The following PLXNA4 variants were observed in gnomAD, a reference collection of about 807,000 sequenced individuals.
PLXNA4 encodes plexin A4.
In PLXNA4, 44 loss-of-function variants were observed where a neutral mutation model predicts 191.8. That is an observed-to-expected ratio of 0.23 (90% CI 0.18 to 0.29). The LOEUF (loss-of-function observed/expected upper bound fraction) is 0.29, where lower values mean the gene tolerates loss of function less well. PLXNA4 is among the 10% of genes least tolerant of loss of function. The pLI, the probability that PLXNA4 is intolerant of heterozygous loss-of-function variation, is 1.00. For synonymous variants in PLXNA4, 1,082 were observed against 1,009.5 expected (o/e 1.07, Z -1.36); for missense variants, 1,800 against 2,488.8 (o/e 0.72, Z 5.89).
At chr7:132,174,187 G>T (rs1323941282) in intron 21 of PLXNA4, among the ~76,000 whole-genome samples, 1 of 152,060 alleles carries the variant, frequency 6.6e-6, no homozygotes, top group Non-Finnish European at 1.5e-5. Flanking sequence ...CCATTCCAAA[G>T]CCCTTTCAGG....
chr7:132,461,210 A>G (rs986122782), intron 3 of PLXNA4, among the ~76,000 whole-genome samples: 1 of 152,176 alleles, frequency 6.6e-6, no homozygotes, highest in African/African-American at 2.4e-5. Context: ...CTAAATAGAA[A>G]CAATATGTAA....
intron 3 of PLXNA4, among the ~76,000 whole-genome samples, chr7:132,477,553 G>T (rs1223341358): frequency 6.6e-6 from 1 of 152,190 alleles, no homozygotes; most frequent in Admixed American, 6.5e-5. Context: ...AAACTTGGGG[G>T]TCATTTGTTA....
chr7:132,408,831 A>G (rs1794333558), intron 3 of PLXNA4, among the ~76,000 whole-genome samples: 1 of 151,810 alleles, frequency 6.6e-6, no homozygotes, highest in South Asian at 2.1e-4. Flanking sequence ...AGATGACTGC[A>G]GAGAAGTGCC....
chr7:132,589,885 C>G lies in PLXNA4; in HGVS notation c.-87+56043G>C, dbSNP rs575358589. Among the ~76,000 whole-genome samples, 185 of 152,230 alleles carry G rather than the reference C, an allele frequency of 1.2e-3. 3 individuals are homozygous for G. The highest frequency in any genetic ancestry group is 4.2e-3 in the African/African-American group (174 of 41,530). On this transcript the variant is annotated intron_variant, in intron 2 of 4. Coordinates refer to the PLXNA4 transcript ENST00000378539. The stretch of plus-strand genomic sequence containing the variant: ...CTGGGACTGGAAGGAAAAGAAGGAG[C>G]CAGCAGACGAGAGAAGATGAAACAG...
At chr7:132,351,829 G>A (rs1036981177) in intron 3 of PLXNA4, among the ~76,000 whole-genome samples, 1 of 152,096 alleles carries the variant, frequency 6.6e-6, no homozygotes, top group Non-Finnish European at 1.5e-5. Flanking sequence ...GCCTCTCTTG[G>A]TCATTCCACA....
intron 22 of PLXNA4, among the ~76,000 whole-genome samples, chr7:132,166,859 G>C (rs1487899374): frequency 6.6e-6 from 1 of 152,180 alleles, no homozygotes; most frequent in African/African-American, 2.4e-5. Context: ...CTACCTTGCT[G>C]TTTCCAAAGC....
intron 3 of PLXNA4, among the ~76,000 whole-genome samples, chr7:132,458,653 C>T (rs1056812799): frequency 6.6e-6 from 1 of 151,570 alleles, no homozygotes; most frequent in Admixed American, 6.6e-5. Context: ...TGGTGGCTGT[C>T]CCTGGTGGGA....
intron 3 of PLXNA4, among the ~76,000 whole-genome samples, chr7:132,322,336 C>T (rs896049320): frequency 2.0e-5 from 3 of 152,124 alleles, no homozygotes; most frequent in Non-Finnish European, 4.4e-5. Context: ...CATGTGCCAC[C>T]ATGTCTGGCT....
intron 3 of PLXNA4, among the ~76,000 whole-genome samples, chr7:132,459,528 T>C (rs1796424078): frequency 6.6e-6 from 1 of 152,168 alleles, no homozygotes; most frequent in Non-Finnish European, 1.5e-5. Context: ...TTGCGGAGGT[T>C]AGAGATGCCG....
chr7:132,241,348 T>C (rs1048315936), intron 4 of PLXNA4, among the ~76,000 whole-genome samples, 182 bp from the exon 5 acceptor site: 1 of 152,194 alleles, frequency 6.6e-6, no homozygotes, highest in African/African-American at 2.4e-5. Flanking sequence ...TGGCCACATA[T>C]GCATCCAGGG....
rs955564796 is a variant in PLXNA4 at position 132,127,967 on chromosome 7, G to GT, written c.*2511dup. 1.7e-4 allele frequency: 13 copies of GT among 78,320 alleles called. No homozygotes were observed. Among genetic ancestry groups the GT allele is most frequent in the African/African-American group, 5.6e-4 (12 of 21,256 alleles). 4.9% of individuals were successfully genotyped at this position (78,320 alleles called of 1,614,324 possible). ...TCTTTTTTCTTTTTTTTTTCTGCTT[G>GT]TTTGATTTTTTCTCTTAACTGTGCA... On this transcript the variant is annotated 3_prime_UTR_variant, in exon 32 of 32. Coordinates refer to ENST00000321063, the MANE Select transcript of PLXNA4 (RefSeq NM_020911.2).
chr7:132,579,605 A>G (rs137925449), upstream of PLXNA4, among the ~76,000 whole-genome samples: 237 of 137,550 alleles, frequency 1.7e-3, no homozygotes, highest in African/African-American at 5.9e-3. Context: ...GGTGTCATTT[A>G]TTTTCATTCA....
chr7:132,205,518 A>T (rs201286056), intron 10 of PLXNA4, among the ~76,000 whole-genome samples: 1,962 of 148,308 alleles, frequency 0.013, 13 homozygotes, highest in Non-Finnish European at 0.018. Flanking sequence ...TGTGTGTGTG[A>T]GAGAGAGAGA....
chr7:132,302,688 AAGGTAGG>A, intron 3 of PLXNA4, among the ~76,000 whole-genome samples: 1 of 151,394 alleles, frequency 6.6e-6, no homozygotes, highest in East Asian at 1.9e-4. Context: ...CACCGCTCAT[AAGGTAGG>A]AACACAATCC....
At chr7:132,619,751 G>C (rs1197502541) in intron 2 of PLXNA4, among the ~76,000 whole-genome samples, 1 of 152,212 alleles carries the variant, frequency 6.6e-6, no homozygotes, top group Non-Finnish European at 1.5e-5. Context: ...CAGACTACTG[G>C]AACATAATTG....
intron 1 of PLXNA4, among the ~76,000 whole-genome samples, chr7:132,561,611 TTCC>T (rs1283113124): frequency 1.1e-4 from 10 of 93,794 alleles, no homozygotes; most frequent in African/African-American, 3.4e-4. Flanking sequence ...CCTCCTTCTC[TTCC>T]TCCTCCTCCT....
chr7:132,604,583 T>G (rs932649778), intron 2 of PLXNA4, among the ~76,000 whole-genome samples: 64 of 152,164 alleles, frequency 4.2e-4, no homozygotes, highest in African/African-American at 1.5e-3. Context: ...TCAACTTATG[T>G]AATATAAGAG....
chr7:132,448,890 C>G (rs1796009698), intron 3 of PLXNA4, among the ~76,000 whole-genome samples: 3 of 152,212 alleles, frequency 2.0e-5, no homozygotes, highest in Non-Finnish European at 4.4e-5. Flanking sequence ...AAGACAACAG[C>G]TAACTGTAGA....
intron 3 of PLXNA4, among the ~76,000 whole-genome samples, chr7:132,476,557 T>C (rs559358217): frequency 6.6e-6 from 1 of 152,264 alleles, no homozygotes; most frequent in South Asian, 2.1e-4. Flanking sequence ...TACGGAGGCA[T>C]GTGAGCTTGT....
Sources: gnomAD v4.1 joint callset for allele counts (sites outside exome capture counted in the v4.1 genomes callset) on GRCh38, gnomAD v4.1.1 for gene constraint, MANE v1.5 for transcripts, NCBI Gene and HGNC (gene_info 2026-07-23, HGNC 2026-07-21) for gene names.